Variants in LINGO2 observed in about 807,000 individuals in gnomAD.
LINGO2 encodes the protein leucine rich repeat and Ig domain containing 2, also known as leucine-rich repeat and immunoglobulin-like domain-containing nogo receptor-interacting protein 2.
A neutral mutation model predicts 30.6 loss-of-function variants in LINGO2; 14 were observed. That is an observed-to-expected ratio of 0.46 (90% CI 0.30 to 0.72). LINGO2 has a LOEUF of 0.72. Ranked by LOEUF, LINGO2 falls within the 30% of genes least tolerant of loss-of-function variation. The pLI is 0.07. For synonymous variants in LINGO2, 317 were observed against 288.5 expected (o/e 1.10, Z -1.00); for missense variants, 729 against 751.7 (o/e 0.97, Z 0.35).
the LINGO2 span, among the ~76,000 whole-genome samples, chr9:28,985,305 G>T: frequency 6.6e-6 from 1 of 152,192 alleles, no homozygotes; most frequent in East Asian, 1.9e-4. Flanking sequence ...TATCTTGGCT[G>T]TCAATAGCGC....
At chr9:28,745,158 G>A in the LINGO2 span, among the ~76,000 whole-genome samples, 1 of 152,008 alleles carries the variant, frequency 6.6e-6, no homozygotes, top group Non-Finnish European at 1.5e-5. Context: ...CATCAACACG[G>A]TCTTCCAGAC....
At chr9:29,055,617 T>C in the LINGO2 span, among the ~76,000 whole-genome samples, 1 of 152,118 alleles carries the variant, frequency 6.6e-6, no homozygotes, top group African/African-American at 2.4e-5. Flanking sequence ...TTGGTTACAC[T>C]GATAAGTTCT....
chr9:27,951,725 C>T (rs986540223), intron 5 of LINGO2, among the ~76,000 whole-genome samples: 12 of 151,786 alleles, frequency 7.9e-5, no homozygotes, highest in African/African-American at 2.9e-4. Flanking sequence ...TCCACGAACA[C>T]CATATTTTAA....
chr9:28,056,506 A>T (rs984407081), intron 4 of LINGO2, among the ~76,000 whole-genome samples: 1 of 152,076 alleles, frequency 6.6e-6, no homozygotes, highest in African/African-American at 2.4e-5. Context: ...TCTCATCTAC[A>T]CCACCCACCT....
At chr9:28,833,195 G>A in the LINGO2 span, among the ~76,000 whole-genome samples, 1 of 152,112 alleles carries the variant, frequency 6.6e-6, no homozygotes, top group Non-Finnish European at 1.5e-5. Flanking sequence ...CATGACTTAG[G>A]GTGGCCTTCA....
the LINGO2 span, among the ~76,000 whole-genome samples, chr9:29,163,286 AG>A: frequency 5.3e-5 from 8 of 152,172 alleles, no homozygotes; most frequent in African/African-American, 1.9e-4. Flanking sequence ...GTTCTAAAAT[AG>A]GGTTTACAGA....
At chr9:28,177,721 C>T (rs1429149445) in intron 4 of LINGO2, among the ~76,000 whole-genome samples, 2 of 152,064 alleles carry the variant, frequency 1.3e-5, no homozygotes, top group African/African-American at 4.8e-5. Context: ...GGAATGGATT[C>T]AGAACTCCAG....
chr9:28,519,660 C>T (rs953562987), intron 1 of LINGO2, among the ~76,000 whole-genome samples: 1 of 152,128 alleles, frequency 6.6e-6, no homozygotes, highest in African/African-American at 2.4e-5. Flanking sequence ...AGAAATGTTA[C>T]CTGCACTATA....
intron 4 of LINGO2, among the ~76,000 whole-genome samples, chr9:28,272,708 T>C (rs925396640): frequency 6.6e-6 from 1 of 152,080 alleles, no homozygotes; most frequent in Non-Finnish European, 1.5e-5. Flanking sequence ...CTACAAGGCT[T>C]ATAAAAACAA....
At chr9:28,885,416 T>C in the LINGO2 span, among the ~76,000 whole-genome samples, 1 of 146,580 alleles carries the variant, frequency 6.8e-6, no homozygotes. Context: ...TACATAGATA[T>C]ATATACACAC....
the LINGO2 span, among the ~76,000 whole-genome samples, chr9:28,786,875 G>A: frequency 6.6e-6 from 1 of 152,138 alleles, no homozygotes; most frequent in African/African-American, 2.4e-5. Context: ...CAGGAACAAT[G>A]CTCAGAAAAA....
chr9:28,231,697 G>T (rs1821361862), intron 4 of LINGO2, among the ~76,000 whole-genome samples: 1 of 151,990 alleles, frequency 6.6e-6, no homozygotes, highest in South Asian at 2.1e-4. Context: ...TTTTTGAGGA[G>T]ATCCTTGAGA....
At chr9:29,134,228 C>A in the LINGO2 span, among the ~76,000 whole-genome samples, 2 of 152,028 alleles carry the variant, frequency 1.3e-5, no homozygotes, top group Non-Finnish European at 2.9e-5. Context: ...TATTTGATAT[C>A]AATTTATCAG....
At chr9:28,717,484 A>C in the LINGO2 span, among the ~76,000 whole-genome samples, 1 of 152,056 alleles carries the variant, frequency 6.6e-6, no homozygotes, top group South Asian at 2.1e-4. Flanking sequence ...AATAAACATG[A>C]GATTTTGGAA....
intron 4 of LINGO2, among the ~76,000 whole-genome samples, chr9:28,032,666 A>C (rs1031601069): frequency 6.6e-6 from 1 of 152,210 alleles, no homozygotes; most frequent in South Asian, 2.1e-4. Context: ...ATCGTCCCAG[A>C]ACTAGTTGGC....
chr9:29,071,319 G>A, the LINGO2 span, among the ~76,000 whole-genome samples: 31 of 150,546 alleles, frequency 2.1e-4, no homozygotes, highest in Non-Finnish European at 3.7e-4. Flanking sequence ...AGTCTCCCAA[G>A]TACCTAGAAT....
chr9:28,560,081 GA>G (rs57723247), intron 1 of LINGO2, among the ~76,000 whole-genome samples: 15,388 of 123,338 alleles, frequency 0.12, 811 homozygotes, highest in African/African-American at 0.14. Context: ...TATTTAGGAG[GA>G]AAAAAAAAAA....
chr9:28,601,767 A>T (rs1825486706), intron 1 of LINGO2, among the ~76,000 whole-genome samples: 1 of 152,138 alleles, frequency 6.6e-6, no homozygotes, highest in Non-Finnish European at 1.5e-5. Flanking sequence ...GTCCTCACTC[A>T]TAGCTGCATA....
At chr9:28,865,501 G>A in the LINGO2 span, among the ~76,000 whole-genome samples, 2 of 152,102 alleles carry the variant, frequency 1.3e-5, no homozygotes, top group Non-Finnish European at 2.9e-5. Flanking sequence ...AAATCACCCT[G>A]GCCGGGTGTG....
Sources: allele counts gnomAD v4.1 joint callset (sites outside exome capture counted in the v4.1 genomes callset), GRCh38; gene constraint gnomAD v4.1.1; transcripts MANE v1.5; gene names NCBI Gene and HGNC (gene_info 2026-07-23, HGNC 2026-07-21).